Variants in CFAP251 observed in about 807,000 individuals in gnomAD.
The protein encoded by CFAP251 is cilia and flagella associated protein 251, also known as cilia- and flagella-associated protein 251.
A neutral mutation model predicts 126.7 loss-of-function variants in CFAP251; 93 were observed. The ratio of observed to expected loss-of-function variants is 0.73; its 90% CI spans 0.62 to 0.87. The LOEUF (loss-of-function observed/expected upper bound fraction) is 0.87. CFAP251 is among the 40% of genes least tolerant of loss of function. The probability of loss-of-function intolerance (pLI) is 0.00; values close to 1 mark genes in which losing one functional copy is unlikely to be tolerated. For missense variants in CFAP251, 1,287 were observed against 1,389.2 expected, an observed-to-expected ratio of 0.93 and a Z score of 1.17; for synonymous variants, 503 against 506.9, an observed-to-expected ratio of 0.99 and a Z score of 0.10.
intron 7 of CFAP251, chr12:121,948,334 A>C (rs1881396387): frequency 6.6e-6 from 1 of 152,242 alleles, no homozygotes; most frequent in Non-Finnish European, 1.5e-5. Flanking sequence ...AAGGATACAG[A>C]ATAAAGGTTA....
At chr12:121,984,050 A>G (rs2062092089) in intron 19 of CFAP251, among the ~76,000 whole-genome samples, 1 of 152,192 alleles carries the variant, frequency 6.6e-6, no homozygotes, top group Non-Finnish European at 1.5e-5. Context: ...ACTTGGTTAC[A>G]GAAAAGACGC....
rs1411811751 is a variant in CFAP251 at position 121,934,288 on chromosome 12, C to G, written c.930C>G (p.Asp310Glu). Residue 310 changes from aspartate (D) to glutamate (E), a missense_variant, in exon 5 of 22, where the codon GAC becomes GAG. By Grantham distance (45) the Asp-to-Glu change is conservative. Transcript: ENST00000288912. ...TCTCCTGCCTCTGCGTCAGTGAAGACAGGCGGTGGATCGCCACAGCAGACA... is the reference window on the plus strand; with the variant it reads ...TCTCCTGCCTCTGCGTCAGTGAAGAGAGGCGGTGGATCGCCACAGCAGACA... ...NIISCLCVSE[D>E]RRWIATADKG... 1 of 1,614,006 alleles carries G rather than the reference C, an allele frequency of 6.2e-7. No individual in the cohort carries two copies. The highest frequency in any genetic ancestry group is 1.3e-5 in the African/African-American group (1 of 74,932).
intron 5 of CFAP251, among the ~76,000 whole-genome samples, chr12:121,936,580 C>T (rs1042578644): frequency 1.3e-5 from 2 of 152,060 alleles, no homozygotes; most frequent in African/African-American, 4.8e-5. Flanking sequence ...AACACGCCAC[C>T]TTGTGTGACA....
At chr12:121,921,756 A>G in intron 2 of CFAP251, 73 bp downstream of exon 2, 4 of 1,395,480 alleles carry the variant, frequency 2.9e-6, no homozygotes, top group South Asian at 1.4e-5. Context: ...AGGCCAGACT[A>G]TGGGAACACA....
intron 5 of CFAP251, among the ~76,000 whole-genome samples, chr12:121,941,609 C>G (rs1275416295): frequency 1.1e-4 from 17 of 152,252 alleles, no homozygotes; most frequent in Admixed American, 1.1e-3. Flanking sequence ...GCTGGGATTA[C>G]CAGTATGCAG....
At chr12:121,998,431 TAATA>T (rs1883069070) in intron 19 of CFAP251, 2 of 73,028 alleles carry the variant, frequency 2.7e-5, no homozygotes, top group African/African-American at 1.2e-4. Flanking sequence ...GTTTTTAGTG[TAATA>T]TATATATATA....
At chr12:121,944,306 C>G (rs1881236259) in intron 7 of CFAP251, among the ~76,000 whole-genome samples, 2 of 152,184 alleles carry the variant, frequency 1.3e-5, no homozygotes, top group African/African-American at 4.8e-5. Flanking sequence ...TTCCTTTCCC[C>G]CCAACATTCC....
chr12:121,928,667 T>C (rs1302468012), intron 3 of CFAP251, among the ~76,000 whole-genome samples: 3 of 36,822 alleles, frequency 8.1e-5, no homozygotes, highest in Admixed American at 2.1e-4. Context: ...CGTATATATA[T>C]ACGTATATAT....
intron 19 of CFAP251, among the ~76,000 whole-genome samples, chr12:121,987,820 G>A (rs985261611): frequency 7.9e-5 from 12 of 151,814 alleles, no homozygotes; most frequent in Non-Finnish European, 1.0e-4. Flanking sequence ...CTTAGCTACC[G>A]AGGGCACAGC....
In CFAP251 at chr12:121,921,357, A is replaced by G. The variant is rs1880163273; in HGVS notation, c.52A>G (p.Thr18Ala). 1 of 1,607,798 alleles carries G rather than the reference A, an allele frequency of 6.2e-7. No individual in the cohort carries two copies. The highest frequency in any genetic ancestry group is 1.7e-5 in the Admixed American group (1 of 57,966). ...PREATGENGE[T>A]EMKEEEEPNP... is the part of the protein sequence containing the mutation. ...AGAAGCAACAGGAGAAAATGGAGAA[A>G]CAGAAATGAAAGAAGAGGAGGAACC... Residue 18 changes from threonine to alanine, a missense_variant, in exon 2 of 22, where the codon ACA becomes GCA. By Grantham distance (58) the Thr-to-Ala change is moderately conservative. Transcript: ENST00000288912.
chr12:121,923,815 A>G lies in CFAP251; in HGVS notation c.572A>G (p.Gln191Arg), dbSNP rs180719819. Reference sequence around the variant, plus strand: ...GAGGAGAAAACCGACCGGATGCCCCAAGATGAACTGGGACAAGAAAGAAGG... The same window carrying G: ...GAGGAGAAAACCGACCGGATGCCCCGAGATGAACTGGGACAAGAAAGAAGG... ...ELEEKTDRMP[Q>R]DELGQERRDL... Residue 191 changes from glutamine (Q) to arginine (R), a missense_variant, in exon 3 of 22, where the codon CAA (glutamine) becomes CGA (arginine). Gln to Arg is a conservative substitution (Grantham distance 43, BLOSUM62 1). Coordinates refer to ENST00000288912, the MANE Select transcript of CFAP251 (RefSeq NM_144668.6). 3 of 1,614,190 alleles carry G rather than the reference A, an allele frequency of 1.9e-6. No individual in the cohort carries two copies. In the East Asian group the frequency reaches 6.7e-5, roughly 36 times the overall value.
chr12:121,927,567 A>C (rs1277785972), intron 3 of CFAP251, among the ~76,000 whole-genome samples: 2 of 152,084 alleles, frequency 1.3e-5, no homozygotes, highest in Admixed American at 1.3e-4. Flanking sequence ...AAAGTGTTGG[A>C]ATTTCAGGCA....
intron 14 of CFAP251, 138 bp from the exon 15 acceptor site, chr12:121,961,840 G>A: frequency 1.2e-6 from 1 of 820,980 alleles, no homozygotes; most frequent in Non-Finnish European, 1.9e-6. Flanking sequence ...CTTCTCTTAG[G>A]AGACCTGATA....
intron 8 of CFAP251, chr12:121,950,479 A>C (rs1288158685): frequency 6.6e-6 from 1 of 152,220 alleles, no homozygotes; most frequent in Non-Finnish European, 1.5e-5. Context: ...ACCTCAATAA[A>C]AAATTGTAGA....
At chr12:122,003,502 G>A in intron 21 of CFAP251, 150 bp from the exon 22 acceptor site, 2 of 546,318 alleles carry the variant, frequency 3.7e-6, no homozygotes, top group South Asian at 2.1e-5. Context: ...GACCCCAGGA[G>A]TTCAAGGCTG....
At chr12:121,934,194 A>G (rs1880800514) in intron 4 of CFAP251, 53 bp from the exon 5 acceptor site, 8 of 1,465,864 alleles carry the variant, frequency 5.5e-6, no homozygotes, top group East Asian at 4.6e-5. Context: ...GATAGTGGCC[A>G]AGGCTGGGCC....
At chr12:121,958,560 G>A (rs1881812513) in intron 12 of CFAP251, 38 bp downstream of exon 12, 1 of 1,611,020 alleles carries the variant, frequency 6.2e-7, no homozygotes, top group Non-Finnish European at 8.5e-7. Context: ...GGTTCCACAT[G>A]GACAGCCCTG....
intron 9 of CFAP251, 96 bp from the exon 10 acceptor site, chr12:121,954,024 A>G (rs570881740): frequency 2.7e-6 from 3 of 1,099,570 alleles, no homozygotes; most frequent in South Asian, 1.6e-5. Flanking sequence ...TCTTTTTCTC[A>G]CTATATTTCA....
intron 3 of CFAP251, among the ~76,000 whole-genome samples, chr12:121,925,723 C>T (rs527986404): frequency 3.3e-5 from 5 of 152,334 alleles, no homozygotes; most frequent in South Asian, 2.1e-4. Context: ...GCTATCTGGA[C>T]TTGGCAAGAG....
Sources: gnomAD v4.1 joint callset for allele counts (sites outside exome capture counted in the v4.1 genomes callset) on GRCh38, gnomAD v4.1.1 for gene constraint, MANE v1.5 for transcripts, NCBI Gene and HGNC (gene_info 2026-07-23, HGNC 2026-07-21) for gene names.